Variants in CNTLN observed in about 807,000 individuals in gnomAD.
CNTLN encodes centlein, centrosomal protein.
CNTLN carries 212 observed loss-of-function variants against 180.0 expected under a neutral mutation model. That is an observed-to-expected ratio of 1.18 (90% CI 1.05 to 1.32). The LOEUF (loss-of-function observed/expected upper bound fraction) is 1.32. Among genes scored for constraint, CNTLN ranks in the 40% most tolerant of loss-of-function variants. The pLI is 0.00. For synonymous variants in CNTLN, 722 were observed against 563.1 expected (o/e 1.28, Z -3.99); for missense variants, 2,095 against 1,610.9 (o/e 1.30, Z -5.14).
intron 5 of CNTLN, among the ~76,000 whole-genome samples, chr9:17,244,398 T>C (rs1023423984): frequency 6.6e-6 from 1 of 151,922 alleles, no homozygotes; most frequent in African/African-American, 2.4e-5. Flanking sequence ...TTTTAATTTT[T>C]GTAGAGATGA....
intron 1 of CNTLN, among the ~76,000 whole-genome samples, chr9:17,140,072 G>A (rs1817979627): frequency 6.6e-6 from 1 of 152,116 alleles, no homozygotes; most frequent in African/African-American, 2.4e-5. Context: ...GAATATGAGT[G>A]ATTGATAATA....
At chr9:17,273,712 A>C in intron 5 of CNTLN, 21 bp from the exon 6 acceptor site, 3 of 1,344,082 alleles carry the variant, frequency 2.2e-6, no homozygotes, top group Non-Finnish European at 3.0e-6. Flanking sequence ...TTGATTATTG[A>C]TATAAGCACT....
At chr9:17,445,244 A>C (rs1039212992) in intron 18 of CNTLN, among the ~76,000 whole-genome samples, 1 of 152,118 alleles carries the variant, frequency 6.6e-6, no homozygotes, top group African/African-American at 2.4e-5. Context: ...GCTGCTGTTA[A>C]ATTTGTAATG....
chr9:17,327,278 C>T (rs147728376), intron 8 of CNTLN, among the ~76,000 whole-genome samples: 1,564 of 89,530 alleles, frequency 0.017, 16 homozygotes, highest in Middle Eastern at 0.066. Context: ...GTGGCGCAAT[C>T]TTGGGTCGCT....
At chr9:17,321,715 T>G (rs1260287068) in intron 8 of CNTLN, among the ~76,000 whole-genome samples, 1 of 152,190 alleles carries the variant, frequency 6.6e-6, no homozygotes, top group Non-Finnish European at 1.5e-5. Context: ...TGTAGTACCT[T>G]TACTTGGGCT....
In CNTLN at chr9:17,345,811, T is replaced by G. The variant is rs534554465; in HGVS notation, c.1886+3367T>G. The stretch of plus-strand genomic sequence containing the variant: ...GTCTCTTATGTTTACCCATAAGAGA[T>G]AAATAATTTATGTATGGGTAAATAT... On this transcript the variant is annotated intron_variant, in intron 12 of 25. Coordinates refer to ENST00000380647, the MANE Select transcript of CNTLN (RefSeq NM_017738.4). Among the ~76,000 whole-genome samples the G allele has an allele frequency of 1.4e-4, 22 of 152,242 alleles. No individual in the cohort carries two copies. In the South Asian group the frequency reaches 4.6e-3, roughly 32 times the overall value.
chr9:17,209,074 T>A (rs1332130039), intron 2 of CNTLN, among the ~76,000 whole-genome samples: 1 of 152,168 alleles, frequency 6.6e-6, no homozygotes, highest in African/African-American at 2.4e-5. Context: ...TAGGCGCTTA[T>A]AACTATAAAC....
intron 18 of CNTLN, among the ~76,000 whole-genome samples, chr9:17,425,491 T>A (rs1223607354): frequency 1.3e-5 from 2 of 152,182 alleles, no homozygotes; most frequent in South Asian, 2.1e-4. Flanking sequence ...TTTCTGTTCT[T>A]TTAGCAACCC....
chr9:17,378,598 A>AT (rs1385138897), intron 13 of CNTLN, among the ~76,000 whole-genome samples: 6 of 152,020 alleles, frequency 3.9e-5, no homozygotes, highest in Non-Finnish European at 8.8e-5. Context: ...ATGTTTTATT[A>AT]TTTCTTTTCT....
chr9:17,307,603 G>T (rs1388277213), intron 7 of CNTLN, among the ~76,000 whole-genome samples: 1 of 151,906 alleles, frequency 6.6e-6, no homozygotes, highest in Non-Finnish European at 1.5e-5. Flanking sequence ...AAAGATAAAA[G>T]GTATATTGAG....
chr9:17,368,912 G>C (rs1824071979), intron 13 of CNTLN, among the ~76,000 whole-genome samples: 2 of 152,124 alleles, frequency 1.3e-5, no homozygotes, highest in South Asian at 4.1e-4. Context: ...ATCTTCTCAA[G>C]AAGATTGGGT....
chr9:17,297,556 C>G (rs940224470), intron 6 of CNTLN, among the ~76,000 whole-genome samples: 1 of 152,168 alleles, frequency 6.6e-6, no homozygotes, highest in Non-Finnish European at 1.5e-5. Flanking sequence ...TTACCACCAC[C>G]AGTTCATTTG....
chr9:17,141,348 G>A (rs575631477), intron 1 of CNTLN, among the ~76,000 whole-genome samples: 5 of 152,276 alleles, frequency 3.3e-5, no homozygotes, highest in South Asian at 4.2e-4. Flanking sequence ...GGCTGTGATA[G>A]TAGTCAGGGG....
intron 5 of CNTLN, among the ~76,000 whole-genome samples, chr9:17,269,048 G>C (rs1343293650): frequency 6.6e-6 from 1 of 151,986 alleles, no homozygotes; most frequent in Non-Finnish European, 1.5e-5. Flanking sequence ...CCACTGTCCT[G>C]CACCCACTGC....
chr9:17,205,024 G>T (rs1270407874), intron 2 of CNTLN, among the ~76,000 whole-genome samples: 4 of 152,150 alleles, frequency 2.6e-5, no homozygotes, highest in Non-Finnish European at 5.9e-5. Context: ...TTCATTGCAG[G>T]TGCCCCTCCT....
chr9:17,345,755 A>C (rs1821832383), intron 12 of CNTLN, among the ~76,000 whole-genome samples: 1 of 152,114 alleles, frequency 6.6e-6, no homozygotes, highest in African/African-American at 2.4e-5. Flanking sequence ...TTCAACTGTC[A>C]AACATAATTA....
At chr9:17,365,615 T>C (rs2225598) in intron 12 of CNTLN, among the ~76,000 whole-genome samples, 90,946 of 152,036 alleles carry the variant, frequency 0.6, 27,460 homozygotes, top group East Asian at 0.73. Context: ...TTCAGTGTTA[T>C]GTATTAACAT....
chr9:17,344,002 A>C (rs560697186), intron 12 of CNTLN, among the ~76,000 whole-genome samples: 5 of 152,282 alleles, frequency 3.3e-5, no homozygotes, highest in Non-Finnish European at 7.4e-5. Flanking sequence ...CATGTTGTAA[A>C]TGTATCAATG....
intron 13 of CNTLN, among the ~76,000 whole-genome samples, chr9:17,368,634 C>T (rs1167674157): frequency 6.6e-6 from 1 of 152,150 alleles, no homozygotes; most frequent in African/African-American, 2.4e-5. Flanking sequence ...ATCCCCAGCT[C>T]CAGAAGGCTC....
Sources: gnomAD v4.1 joint callset for allele counts (sites outside exome capture counted in the v4.1 genomes callset) on GRCh38, gnomAD v4.1.1 for gene constraint, MANE v1.5 for transcripts, NCBI Gene and HGNC (gene_info 2026-07-23, HGNC 2026-07-21) for gene names.